Variants in ITGB5 observed in about 807,000 individuals in gnomAD.
The protein encoded by ITGB5 is integrin beta-5.
ITGB5 carries 38 observed loss-of-function variants against 84.8 expected under a neutral mutation model. The ratio of observed to expected loss-of-function variants is 0.45; its 90% CI spans 0.35 to 0.59. The LOEUF is 0.59. Among genes scored for constraint, ITGB5 ranks in the 20% least tolerant of loss-of-function variants. The pLI is 0.01. For missense variants in ITGB5, 905 were observed against 1,034.5 expected (o/e 0.87, Z 1.72); for synonymous variants, 393 against 414.4 (o/e 0.95, Z 0.63).
chr3:124,781,656 C>T (rs144487915), intron 10 of ITGB5, among the ~76,000 whole-genome samples: 239 of 152,268 alleles, frequency 1.6e-3, no homozygotes, highest in African/African-American at 5.5e-3. Flanking sequence ...GGGTTTCCTG[C>T]GCTTGTAAAC....
intron 9 of ITGB5, among the ~76,000 whole-genome samples, chr3:124,800,045 C>T (rs936971524): frequency 2.6e-5 from 4 of 152,128 alleles, no homozygotes; most frequent in Admixed American, 6.5e-5. Flanking sequence ...GGGGCAGATG[C>T]CATCCCTCCC....
intron 7 of ITGB5, among the ~76,000 whole-genome samples, chr3:124,819,346 G>A (rs774368169): frequency 6.6e-6 from 1 of 152,192 alleles, no homozygotes; most frequent in Non-Finnish European, 1.5e-5. Context: ...TAGTCTGCAG[G>A]CTCAGGCATA....
At chr3:124,887,637 C>A, upstream of ITGB5, 1 of 442,218 alleles carries the variant, frequency 2.3e-6, no homozygotes, top group Non-Finnish European at 4.6e-6. Flanking sequence ...GAGTAGAGCC[C>A]GCTCCCGTTG....
At chr3:124,814,220 G>A (rs987377967) in intron 8 of ITGB5, among the ~76,000 whole-genome samples, 1 of 151,926 alleles carries the variant, frequency 6.6e-6, no homozygotes, top group Non-Finnish European at 1.5e-5. Flanking sequence ...TTGACCAACT[G>A]AACTTGCTTC....
Position 124,773,722 on chromosome 3 carries a change from G to T in ITGB5, c.1884C>A (p.Cys628Ter), listed in dbSNP as rs1328500466. Residue 628 changes from cysteine to a stop codon, truncating the protein, a stop_gained, in exon 11 of 15, where the codon TGC (cysteine) becomes TGA (stop). Coordinates refer to ENST00000296181, the MANE Select transcript of ITGB5 (RefSeq NM_002213.5). LOFTEE classifies it high-confidence loss of function. Reference sequence around the variant, plus strand: ...TGCTGCATGCATCCGGGCAGGTGGGGCACTTCTCACACATCTCCCCAAAGG... The same window carrying T: ...TGCTGCATGCATCCGGGCAGGTGGGTCACTTCTCACACATCTCCCCAAAGG... ...PGAFGEMCEK[C>*]PTCPDACSTK... 1 of 1,612,346 alleles carries T rather than the reference G, an allele frequency of 6.2e-7. No homozygotes were observed. The highest frequency in any genetic ancestry group is 8.5e-7 in the Non-Finnish European group (1 of 1,180,006).
At chr3:124,845,388 C>A (rs899478906) in intron 4 of ITGB5, among the ~76,000 whole-genome samples, 1 of 152,216 alleles carries the variant, frequency 6.6e-6, no homozygotes, top group Non-Finnish European at 1.5e-5. Flanking sequence ...GCTGCCTGGA[C>A]GTGGGGAGAC....
intron 3 of ITGB5, among the ~76,000 whole-genome samples, chr3:124,851,690 GT>G (rs1359246962): frequency 6.6e-6 from 1 of 151,734 alleles, no homozygotes; most frequent in African/African-American, 2.4e-5. Context: ...AAAAGAAATA[GT>G]GTGCCATTTT....
At chr3:124,886,859 C>A (rs1036421144) in intron 1 of ITGB5, 72 bp downstream of exon 1, 91 of 977,870 alleles carry the variant, frequency 9.3e-5, no homozygotes, top group Non-Finnish European at 1.1e-4. Flanking sequence ...CGCTCCCCGC[C>A]CCTCCGAGAC....
At chr3:124,842,158 C>T (rs1048965456) in intron 4 of ITGB5, among the ~76,000 whole-genome samples, 38 of 152,334 alleles carry the variant, frequency 2.5e-4, no homozygotes, top group African/African-American at 8.7e-4. Context: ...ATTGTACCAA[C>T]AAACTATCAA....
intron 5 of ITGB5, among the ~76,000 whole-genome samples, chr3:124,831,159 CTCT>C (rs2064854836): frequency 6.6e-6 from 1 of 152,140 alleles, no homozygotes; most frequent in Admixed American, 6.5e-5. Context: ...GGTGTCTCTC[CTCT>C]GAGGATGTGG....
chr3:124,791,233 C>T (rs866804603), intron 10 of ITGB5: 4 of 152,316 alleles, frequency 2.6e-5, no homozygotes, highest in African/African-American at 9.6e-5. Context: ...CATGATGGCC[C>T]CAGGAAGCTC....
Position 124,848,314 on chromosome 3 carries a change from G to T in ITGB5, c.606C>A (p.Cys202Ter). The change falls in exon 4 of 15, where the codon TGC (cysteine) becomes TGA (stop). Residue 202 changes from cysteine (C) to a stop codon, truncating the protein, a stop_gained. Transcript: ENST00000296181. LOFTEE classifies it high-confidence loss of function. ...YTAPRYQTNPCIGYKLFPNCV... is the reference protein window; with the variant it reads ...YTAPRYQTNP ...AAGGGCAACTGGTCACTTACCCAAT[G>T]CACGGATTGGTCTGGTACCTCGGTG... The T allele has an allele frequency of 6.2e-7, 1 of 1,614,076 alleles. No homozygotes were observed. The highest frequency in any genetic ancestry group is 8.5e-7 in the Non-Finnish European group (1 of 1,179,948).
At chr3:124,891,442 G>A (rs538046217), upstream of ITGB5, among the ~76,000 whole-genome samples, 14 of 152,030 alleles carry the variant, frequency 9.2e-5, no homozygotes, top group Non-Finnish European at 1.9e-4. Context: ...AACTTTGGGA[G>A]GCTGGGATGG....
At chr3:124,786,896 GA>G (rs1290046830) in intron 10 of ITGB5, among the ~76,000 whole-genome samples, 1 of 152,142 alleles carries the variant, frequency 6.6e-6, no homozygotes, top group Non-Finnish European at 1.5e-5. Context: ...TGGAACAAAA[GA>G]ATCCTTAAGA....
chr3:124,885,905 G>A (rs774206739), intron 1 of ITGB5, among the ~76,000 whole-genome samples: 2 of 152,196 alleles, frequency 1.3e-5, no homozygotes, highest in Non-Finnish European at 2.9e-5. Context: ...TGGGGGAACA[G>A]TCCTCCCTTC....
intron 5 of ITGB5, among the ~76,000 whole-genome samples, chr3:124,840,128 C>A (rs1156477706): frequency 6.6e-6 from 1 of 152,222 alleles, no homozygotes; most frequent in Non-Finnish European, 1.5e-5. Context: ...GTCTGTGTGA[C>A]ACACCAGATT....
intron 5 of ITGB5, among the ~76,000 whole-genome samples, chr3:124,837,627 C>T (rs181373477): frequency 6.6e-6 from 1 of 151,994 alleles, no homozygotes; most frequent in Admixed American, 6.5e-5. Context: ...CAGGTAGTTT[C>T]CTTCTTTTTG....
intron 10 of ITGB5, among the ~76,000 whole-genome samples, chr3:124,793,629 A>G (rs1281432043): frequency 6.6e-6 from 1 of 152,240 alleles, no homozygotes; most frequent in East Asian, 1.9e-4. Flanking sequence ...CTTATTCCTC[A>G]TAACAACTCT....
intron 1 of ITGB5, among the ~76,000 whole-genome samples, chr3:124,898,218 CTT>C (rs11378220): frequency 6.9e-6 from 1 of 145,080 alleles, no homozygotes. Context: ...GCTTTGAGGT[CTT>C]TTTTTTTTTT....
Sources: allele counts gnomAD v4.1 joint callset (sites outside exome capture counted in the v4.1 genomes callset), GRCh38; gene constraint gnomAD v4.1.1; transcripts MANE v1.5; gene names NCBI Gene and HGNC (gene_info 2026-07-23, HGNC 2026-07-21).